Variants in SH3TC2 observed in about 807,000 individuals in gnomAD.
The protein encoded by SH3TC2 is SH3 domain and tetratricopeptide repeat-containing protein 2.
SH3TC2 carries 87 observed loss-of-function variants against 124.5 expected under a neutral mutation model. The ratio of observed to expected loss-of-function variants is 0.70; its 90% CI spans 0.59 to 0.84. The LOEUF (loss-of-function observed/expected upper bound fraction) is 0.84, where lower values mean the gene tolerates loss of function less well. Ranked by LOEUF, SH3TC2 falls within the 40% of genes least tolerant of loss-of-function variation. The probability of loss-of-function intolerance (pLI) is 0.00; values close to 1 mark genes in which losing one functional copy is unlikely to be tolerated. For missense variants in SH3TC2, 1,536 were observed against 1,566.4 expected (o/e 0.98, Z 0.33); for synonymous variants, 634 against 628.5 (o/e 1.01, Z -0.13).
chr5:149,046,086 C>A (rs999183328), intron 3 of SH3TC2: 1 of 257,722 alleles, frequency 3.9e-6, no homozygotes, highest in Non-Finnish European at 8.0e-6. Flanking sequence ...CAGGCCAGGT[C>A]CTGTCATCAG....
chr5:149,035,619 A>G (rs111842170), intron 8 of SH3TC2: 11,273 of 152,356 alleles, frequency 0.074, 479 homozygotes, highest in African/African-American at 0.11. Context: ...GGGATATGCA[A>G]GGAGCCAGTT....
rs1349471247 is a variant in SH3TC2 at position 148,993,540 on chromosome 5, T to C, written c.*11171A>G. Among the ~76,000 whole-genome samples the C allele has an allele frequency of 1.3e-5, 2 of 152,224 alleles. No homozygotes were observed. ...AAAAATTCAGCCATTATTGGTGTTT[T>C]TAATGTTGTAGTTATAAGCATGGAG... On this transcript the variant is annotated 3_prime_UTR_variant, in exon 17 of 17. Coordinates refer to ENST00000515425, the MANE Select transcript of SH3TC2 (RefSeq NM_024577.4).
Position 148,991,715 on chromosome 5 carries a change from G to A in SH3TC2, c.*12996C>T, listed in dbSNP as rs2127388272. 6.6e-6 allele frequency among the ~76,000 whole-genome samples: 1 copy of A among 152,314 alleles called. No homozygotes were observed. Among genetic ancestry groups the A allele is most frequent in the South Asian group, 2.1e-4 (1 of 4,824 alleles). ...AGTGTGACTAATTTCCAGGTAGAAT[G>A]AGAGGCTCTTGCAAACTGCTTTTGT... On this transcript the variant is annotated 3_prime_UTR_variant, in exon 17 of 17. Coordinates refer to ENST00000515425, the MANE Select transcript of SH3TC2 (RefSeq NM_024577.4).
chr5:149,010,695 A>C (rs2127392981), intron 13 of SH3TC2, among the ~76,000 whole-genome samples: 1 of 152,298 alleles, frequency 6.6e-6, no homozygotes, highest in South Asian at 2.1e-4. Flanking sequence ...GAAAAAAAAA[A>C]CTAATAATGC....
chr5:148,995,551 C>T lies in SH3TC2; in HGVS notation c.*9160G>A, dbSNP rs974015025. ...ATTCTCAATAAACTTTTGCTGAATACCTGCTATATATGTGAGCAGCCCTAT... is the reference window on the plus strand; with the variant it reads ...ATTCTCAATAAACTTTTGCTGAATATCTGCTATATATGTGAGCAGCCCTAT... On this transcript the variant is annotated 3_prime_UTR_variant, in exon 17 of 17. Transcript: ENST00000515425. Among the ~76,000 whole-genome samples the T allele has an allele frequency of 3.3e-5, 5 of 152,166 alleles. No individual in the cohort carries two copies. Among genetic ancestry groups the T allele is most frequent in the Admixed American group, 2.0e-4 (3 of 15,280 alleles).
intron 8 of SH3TC2, among the ~76,000 whole-genome samples, chr5:149,033,186 C>T (rs547121719): frequency 6.6e-6 from 1 of 152,278 alleles, no homozygotes; most frequent in South Asian, 2.1e-4. Flanking sequence ...CCTCTGCGTG[C>T]ATTGCCTCAC....
rs1054546819 is a variant in SH3TC2, at chr5:148,987,369, T to G, written c.*17342A>C. Among the ~76,000 whole-genome samples the G allele has an allele frequency of 1.3e-5, 2 of 152,232 alleles. No homozygotes were observed. Among genetic ancestry groups the G allele is most frequent in the Admixed American group, 6.5e-5 (1 of 15,284 alleles). On this transcript the variant is annotated 3_prime_UTR_variant, in exon 17 of 17. Coordinates refer to ENST00000515425, the MANE Select transcript of SH3TC2 (RefSeq NM_024577.4). ...GATCTATTGCTACAGCCTGGGGCAG[T>G]GCCAGGCACATAGAAGGAATCTAAC...
chr5:149,019,135 G>A (rs1753926620), intron 12 of SH3TC2, among the ~76,000 whole-genome samples: 1 of 152,188 alleles, frequency 6.6e-6, no homozygotes, highest in Non-Finnish European at 1.5e-5. Context: ...TGCTCCAACA[G>A]ATACATGTGT....
At position 148,992,003 on chromosome 5, in the gene SH3TC2, C is replaced by G. The variant is rs1176969033; in HGVS notation, c.*12708G>C. On this transcript the variant is annotated 3_prime_UTR_variant, in exon 17 of 17. Coordinates refer to ENST00000515425, the MANE Select transcript of SH3TC2 (RefSeq NM_024577.4). ...GTAAGGCTTTCCCTTTTCTGGTTCA[C>G]TTTTCATATAATAACAACAGAGCTG... is the stretch of plus-strand genomic sequence containing the variant. Among the ~76,000 whole-genome samples, 1 of 152,182 alleles carries G rather than the reference C, an allele frequency of 6.6e-6. No homozygotes were observed. The highest frequency in any genetic ancestry group is 1.5e-5 in the Non-Finnish European group (1 of 68,036).
intron 12 of SH3TC2, among the ~76,000 whole-genome samples, chr5:149,021,851 G>A (rs902837443): frequency 1.4e-5 from 2 of 142,406 alleles, no homozygotes; most frequent in Admixed American, 7.2e-5. Flanking sequence ...AATGTTTAAA[G>A]GAGAATTAAC....
rs10077543 is a variant in SH3TC2, at chr5:149,028,249, T to C, written c.1483A>G (p.Thr495Ala). 9.7e-5 allele frequency: 157 copies of C among 1,613,726 alleles called. No individual in the cohort carries two copies. In the African/African-American group the frequency reaches 1.8e-3, roughly 19 times the overall value. The change falls in exon 11 of 17, where the codon ACT becomes GCT. Residue 495 changes from threonine to alanine, a missense_variant. Transcript: ENST00000515425. ...SLYDFSFSFL[T>A]SSFYSFSEED... The stretch of plus-strand genomic sequence containing the variant: ...TCAGAGAAGCTATAAAAGGAAGAAG[T>C]GAGGAAAGAGAAGGAGAAGTCATAG...
rs187720692 is a variant in SH3TC2, at chr5:148,997,705, A to G, written c.*7006T>C. 1.4e-3 allele frequency among the ~76,000 whole-genome samples: 217 copies of G among 152,328 alleles called. No homozygotes were observed. Among genetic ancestry groups the G allele is most frequent in the African/African-American group, 4.9e-3 (204 of 41,576 alleles). ...AAACACAATATAATATAATGGTTTC[A>G]TTTCCTAGCTCCAGCATCAGAGGAC... is the stretch of plus-strand genomic sequence containing the variant. On this transcript the variant is annotated 3_prime_UTR_variant, in exon 17 of 17. Coordinates refer to ENST00000515425, the MANE Select transcript of SH3TC2 (RefSeq NM_024577.4).
Position 148,996,139 on chromosome 5 carries a change from C to CT in SH3TC2, c.*8571dup, listed in dbSNP as rs1177221004. 6.6e-6 allele frequency among the ~76,000 whole-genome samples: 1 copy of CT among 151,894 alleles called. No homozygotes were observed. The highest frequency in any genetic ancestry group is 1.5e-5 in the Non-Finnish European group (1 of 67,998). On this transcript the variant is annotated 3_prime_UTR_variant, in exon 17 of 17. Coordinates refer to ENST00000515425, the MANE Select transcript of SH3TC2 (RefSeq NM_024577.4). Reference sequence around the variant, plus strand: ...TGGTTGTACATGCCTGTAGTCCCAGCTACTCGGGAGGCTGAAGTGGGAGGA... The same window carrying CT: ...TGGTTGTACATGCCTGTAGTCCCAGCTTACTCGGGAGGCTGAAGTGGGAGGA...
intron 2 of SH3TC2, 41 bp downstream of exon 2, chr5:149,052,101 T>C: frequency 7.3e-7 from 1 of 1,372,048 alleles, no homozygotes; most frequent in South Asian, 1.2e-5. Flanking sequence ...ATCGCAATAC[T>C]CAACATGGAA....
chr5:148,982,156 TA>T lies in SH3TC2; in HGVS notation c.*22554del, dbSNP rs1311154722. Among the ~76,000 whole-genome samples, 1 of 110,950 alleles carries T rather than the reference TA, an allele frequency of 9.0e-6. No homozygotes were observed. Among genetic ancestry groups the T allele is most frequent in the Non-Finnish European group, 2.2e-5 (1 of 45,106 alleles). The allele number at this position is 110,950 out of a possible 152,430, so 72.8% of individuals were successfully genotyped here. A position where few individuals can be genotyped will look rare whatever the true frequency, so the allele number is the denominator to read the frequency against. ...AATGTCTCTGGAAACAGGATTCCAG[TA>T]TTTTTTTTTTATTTCTGTAGTTTAA... On this transcript the variant is annotated 3_prime_UTR_variant, in exon 17 of 17. Coordinates refer to ENST00000515425, the MANE Select transcript of SH3TC2 (RefSeq NM_024577.4).
rs1055141084 is a variant in SH3TC2, at chr5:148,984,160, G to C, written c.*20551C>G. On this transcript the variant is annotated 3_prime_UTR_variant, in exon 17 of 17. Coordinates refer to ENST00000515425, the MANE Select transcript of SH3TC2 (RefSeq NM_024577.4). The stretch of plus-strand genomic sequence containing the variant: ...ATCTCTCTCTTCTCTTTCTGAAATT[G>C]CATTATGTAAATATTAGTTCTCTTG... 6.6e-6 allele frequency among the ~76,000 whole-genome samples: 1 copy of C among 152,008 alleles called. No homozygotes were observed. Among genetic ancestry groups the C allele is most frequent in the Non-Finnish European group, 1.5e-5 (1 of 67,994 alleles).
At position 148,986,358 on chromosome 5, in the gene SH3TC2, C is replaced by G. The variant is rs1463277769; in HGVS notation, c.*18353G>C. Among the ~76,000 whole-genome samples the G allele has an allele frequency of 1.3e-5, 2 of 152,166 alleles. No homozygotes were observed. Among genetic ancestry groups the G allele is most frequent in the African/African-American group, 4.8e-5 (2 of 41,446 alleles). The stretch of plus-strand genomic sequence containing the variant: ...TACTAAATGTTAGAACTAAAAGAAC[C>G]TTAGAGATCTTCCATTAGGTCCCAG... On this transcript the variant is annotated 3_prime_UTR_variant, in exon 17 of 17. Coordinates refer to ENST00000515425, the MANE Select transcript of SH3TC2 (RefSeq NM_024577.4).
At chr5:149,034,054 G>A (rs1466341057) in intron 8 of SH3TC2, among the ~76,000 whole-genome samples, 1 of 151,980 alleles carries the variant, frequency 6.6e-6, no homozygotes, top group African/African-American at 2.4e-5. Context: ...AACTAGAAAT[G>A]ACAATAATCT....
chr5:149,006,258 C>CA (rs113144100), intron 16 of SH3TC2: 30 of 164,204 alleles, frequency 1.8e-4, no homozygotes, highest in South Asian at 3.0e-4. Context: ...GACCCTGTCC[C>CA]AAAAAAAAAG....
Sources: allele counts gnomAD v4.1 joint callset (sites outside exome capture counted in the v4.1 genomes callset), GRCh38; gene constraint gnomAD v4.1.1; transcripts MANE v1.5; gene names NCBI Gene and HGNC (gene_info 2026-07-23, HGNC 2026-07-21).